The following HERC3 variants were observed in gnomAD, a reference collection of about 807,000 sequenced individuals.
The protein encoded by HERC3 is HECT and RLD domain containing E3 ubiquitin protein ligase 3.
In HERC3, 58 loss-of-function variants were observed where a neutral mutation model predicts 129.9. That is an observed-to-expected ratio of 0.45 (90% CI 0.36 to 0.56). The LOEUF is 0.56. HERC3 is among the 20% of genes least tolerant of loss of function. The pLI is 0.00. For synonymous variants in HERC3, 430 were observed against 451.0 expected (o/e 0.95, Z 0.59); for missense variants, 835 against 1,244.2 (o/e 0.67, Z 4.95).
At chr4:88,643,580 A>G (rs1728367607) in intron 3 of HERC3, among the ~76,000 whole-genome samples, 1 of 152,222 alleles carries the variant, frequency 6.6e-6, no homozygotes, top group African/African-American at 2.4e-5. Context: ...ATATATCCAC[A>G]CAAATGTGGT....
At chr4:88,681,971 T>C (rs2149317733) in intron 21 of HERC3, among the ~76,000 whole-genome samples, 1 of 152,378 alleles carries the variant, frequency 6.6e-6, no homozygotes, top group East Asian at 1.9e-4. Context: ...ACTATAATTT[T>C]GATTGGCCTT....
chr4:88,707,654 T>C lies in HERC3; in HGVS notation c.*694T>C, dbSNP rs1053759470. 6.6e-6 allele frequency: 1 copy of C among 152,280 alleles called. No individual in the cohort carries two copies. The highest frequency in any genetic ancestry group is 2.4e-5 in the African/African-American group (1 of 41,462). 9.4% of individuals were successfully genotyped at this position (152,280 alleles called of 1,614,324 possible). The stretch of plus-strand genomic sequence containing the variant: ...CCTATTTCCTAGACCTTTTAAAAGA[T>C]GTGCAGAGCAGCTTAGCATTCGTTG... On this transcript the variant is annotated 3_prime_UTR_variant, in exon 26 of 26. Transcript: ENST00000402738.
At chr4:88,682,197 T>G (rs1339965383) in intron 21 of HERC3, among the ~76,000 whole-genome samples, 1 of 152,240 alleles carries the variant, frequency 6.6e-6, no homozygotes, top group East Asian at 1.9e-4. Flanking sequence ...AAGTTTTCAT[T>G]TCTCTTGGTA....
the HERC3 span, among the ~76,000 whole-genome samples, chr4:88,542,956 T>G: frequency 6.6e-6 from 1 of 152,098 alleles, no homozygotes; most frequent in Admixed American, 6.6e-5. Flanking sequence ...TAAGAGCTAT[T>G]TATGACAAAC....
At chr4:88,565,660 C>CT in the HERC3 span, among the ~76,000 whole-genome samples, 13 of 151,906 alleles carry the variant, frequency 8.6e-5, no homozygotes, top group East Asian at 1.4e-3. Context: ...ATTGCCAGGT[C>CT]TTTTTTTTAT....
intron 3 of HERC3, among the ~76,000 whole-genome samples, chr4:88,608,687 C>T (rs1171847868): frequency 2.0e-5 from 3 of 152,156 alleles, no homozygotes; most frequent in South Asian, 2.1e-4. Context: ...TCTTTCTTTT[C>T]CTCCTGTTAA....
intron 3 of HERC3, among the ~76,000 whole-genome samples, chr4:88,633,628 C>G (rs959129267): frequency 1.3e-5 from 2 of 151,662 alleles, no homozygotes; most frequent in Non-Finnish European, 2.9e-5. Context: ...AAATGAGAAA[C>G]AGGAAATAAA....
chr4:88,677,883 C>A, intron 18 of HERC3, 81 bp from the exon 19 acceptor site: 1 of 1,307,118 alleles, frequency 7.7e-7, no homozygotes, highest in Non-Finnish European at 1.1e-6. Context: ...TCAGCGCCCC[C>A]AAGTCCAGAA....
chr4:88,541,978 C>A, the HERC3 span, among the ~76,000 whole-genome samples: 8 of 152,086 alleles, frequency 5.3e-5, no homozygotes, highest in African/African-American at 1.4e-4. Context: ...CCACTAAGTG[C>A]CCACAGGAGA....
At chr4:88,681,979 C>T (rs1732829963) in intron 21 of HERC3, among the ~76,000 whole-genome samples, 1 of 152,144 alleles carries the variant, frequency 6.6e-6, no homozygotes, top group East Asian at 1.9e-4. Context: ...TTTGATTGGC[C>T]TTTGGTTGAA....
At chr4:88,681,850 T>C (rs1466770959) in intron 21 of HERC3, among the ~76,000 whole-genome samples, 2 of 152,340 alleles carry the variant, frequency 1.3e-5, no homozygotes, top group East Asian at 3.9e-4. Context: ...TATTTTGAAA[T>C]ATACAATAGA....
rs770286322 is a variant in HERC3 at position 88,653,088 on chromosome 4, AAGGT to A, written c.685+4_685+7del. On this transcript the variant is annotated splice_donor_variant and coding_sequence_variant, in exon 6 of 26. Coordinates refer to ENST00000402738, the MANE Select transcript of HERC3 (RefSeq NM_014606.3). LOFTEE classifies it high-confidence loss of function. ...GGGCAGCTAGGGCTCAGTGATGAAA[AAGGT>A]AGGTAAACCCTTCATATGTATGTAT... The A allele has an allele frequency of 7.4e-6, 12 of 1,614,046 alleles. No homozygotes were observed. Among genetic ancestry groups the A allele is most frequent in the Non-Finnish European group, 1.0e-5 (12 of 1,179,938 alleles).
At chr4:88,543,699 A>C in the HERC3 span, among the ~76,000 whole-genome samples, 1 of 152,216 alleles carries the variant, frequency 6.6e-6, no homozygotes, top group East Asian at 1.9e-4. Flanking sequence ...ACGAAACAGC[A>C]TGGTACTGGC....
At chr4:88,648,472 T>C (rs1728928734) in intron 3 of HERC3, among the ~76,000 whole-genome samples, 1 of 152,140 alleles carries the variant, frequency 6.6e-6, no homozygotes, top group South Asian at 2.1e-4. Flanking sequence ...TATGGAATTC[T>C]TGATTGGATG....
upstream of HERC3, among the ~76,000 whole-genome samples, chr4:88,590,310 C>G (rs1486934052): frequency 1.3e-5 from 2 of 151,974 alleles, no homozygotes; most frequent in African/African-American, 4.8e-5. Context: ...CCTGTAATCC[C>G]AGCACTTTGG....
the HERC3 span, among the ~76,000 whole-genome samples, chr4:88,533,217 C>T: frequency 6.6e-6 from 1 of 152,198 alleles, no homozygotes; most frequent in Non-Finnish European, 1.5e-5. Flanking sequence ...GAAAACTCAG[C>T]AGGTCTGCTC....
At chr4:88,630,727 T>G (rs928410454) in intron 3 of HERC3, among the ~76,000 whole-genome samples, 8 of 152,224 alleles carry the variant, frequency 5.3e-5, no homozygotes, top group African/African-American at 1.9e-4. Flanking sequence ...ATAACAAAAT[T>G]ATATATACTA....
At position 88,704,570 on chromosome 4, in the gene HERC3, A is replaced by G. The variant is rs1394708678; in HGVS notation, c.2904A>G (p.Thr968=). 1 of 1,609,452 alleles carries G rather than the reference A, an allele frequency of 6.2e-7. No individual in the cohort carries two copies. The highest frequency in any genetic ancestry group is 2.2e-5 in the East Asian group (1 of 44,860). Residue 968 remains threonine (T), a synonymous_variant, in exon 25 of 26, where the codon ACA becomes ACG. Coordinates refer to ENST00000402738, the MANE Select transcript of HERC3 (RefSeq NM_014606.3). ...CCACTGTAAAACTATTTTGGGAAACATTTCATGAGTTTCCATTGGAAAAGA... is the reference window on the plus strand; with the variant it reads ...CCACTGTAAAACTATTTTGGGAAACGTTTCATGAGTTTCCATTGGAAAAGA... The part of the protein sequence containing the change: ...THPTVKLFWE[T]FHEFPLEKKK...
intron 3 of HERC3, among the ~76,000 whole-genome samples, chr4:88,637,178 C>T (rs1366555694): frequency 6.6e-6 from 1 of 151,894 alleles, no homozygotes; most frequent in Admixed American, 6.6e-5. Flanking sequence ...GTAATCCCAG[C>T]ATTTTGGGAG....
Sources: gnomAD v4.1 joint callset for allele counts (sites outside exome capture counted in the v4.1 genomes callset) on GRCh38, gnomAD v4.1.1 for gene constraint, MANE v1.5 for transcripts, NCBI Gene and HGNC (gene_info 2026-07-23, HGNC 2026-07-21) for gene names.